The following SHISA9 variants were observed in gnomAD, a reference collection of about 807,000 sequenced individuals.
SHISA9 encodes shisa family member 9.
Under a neutral mutation model 38.0 loss-of-function variants are expected in SHISA9, and 13 were observed. That is an observed-to-expected ratio of 0.34 (90% CI 0.22 to 0.54). The LOEUF is 0.54. Ranked by LOEUF, SHISA9 falls within the 20% of genes least tolerant of loss-of-function variation. The pLI is 0.91. For synonymous variants in SHISA9, 275 were observed against 242.0 expected, an observed-to-expected ratio of 1.14 and a Z score of -1.27; for missense variants, 538 against 575.8, an observed-to-expected ratio of 0.93 and a Z score of 0.67.
At chr16:13,249,644 C>T in the SHISA9 span, among the ~76,000 whole-genome samples, 3 of 152,084 alleles carry the variant, frequency 2.0e-5, no homozygotes, top group Non-Finnish European at 4.4e-5. Context: ...TTCTCTGTTT[C>T]CTTCTCTGTG....
At chr16:12,951,140 G>A (rs1326805543) in intron 2 of SHISA9, among the ~76,000 whole-genome samples, 4 of 124,706 alleles carry the variant, frequency 3.2e-5, no homozygotes, top group East Asian at 5.5e-4. Context: ...AGAATTGCTT[G>A]AACCCAGGAG....
rs573093328 is a variant in SHISA9, at chr16:13,187,594, C to G, written c.692-15800C>G. On this transcript the variant is annotated intron_variant, in intron 2 of 4. Coordinates refer to ENST00000558583, the MANE Select transcript of SHISA9 (RefSeq NM_001145204.3). ...TAGTGATCCACCCACCCCTGCCTCCCAAAGTGCTGGGATTACGGGTGTGAG... is the reference window on the plus strand; with the variant it reads ...TAGTGATCCACCCACCCCTGCCTCCGAAAGTGCTGGGATTACGGGTGTGAG... 3.9e-5 allele frequency among the ~76,000 whole-genome samples: 6 copies of G among 152,216 alleles called. No homozygotes were observed. The South Asian group carries it at 1.2e-3, about 32-fold the overall frequency.
intron 1 of SHISA9, among the ~76,000 whole-genome samples, chr16:12,913,598 A>G (rs1313825328): frequency 6.6e-6 from 1 of 152,226 alleles, no homozygotes; most frequent in Non-Finnish European, 1.5e-5. Context: ...CTCCAAGTCC[A>G]GTATCTAATT....
chr16:13,254,425 C>T, the SHISA9 span, among the ~76,000 whole-genome samples: 22 of 152,274 alleles, frequency 1.4e-4, no homozygotes, highest in African/African-American at 3.6e-4. Flanking sequence ...GGGTTTGTTA[C>T]GAGTTATTAT....
chr16:13,418,555 T>G, the SHISA9 span, among the ~76,000 whole-genome samples: 1 of 152,286 alleles, frequency 6.6e-6, no homozygotes, highest in South Asian at 2.1e-4. Flanking sequence ...CCACATGGAC[T>G]TCCCCCCAGT....
At chr16:13,424,255 G>A in the SHISA9 span, among the ~76,000 whole-genome samples, 347 of 152,308 alleles carry the variant, frequency 2.3e-3, 1 homozygote, top group African/African-American at 7.9e-3. Flanking sequence ...ACAGTGCTCC[G>A]CATTGAGCTG....
intron 2 of SHISA9, among the ~76,000 whole-genome samples, chr16:13,173,274 G>A (rs2050703686): frequency 6.6e-6 from 1 of 150,800 alleles, no homozygotes; most frequent in South Asian, 2.1e-4. Context: ...ACACAGAAAT[G>A]CTGAAGGTAT....
chr16:13,523,299 G>A, the SHISA9 span, among the ~76,000 whole-genome samples: 3 of 152,214 alleles, frequency 2.0e-5, no homozygotes, highest in South Asian at 2.1e-4. Flanking sequence ...GCAGTGAGCC[G>A]AGATCCTGCC....
At chr16:12,989,390 C>T (rs1175243736) in intron 2 of SHISA9, among the ~76,000 whole-genome samples, 1 of 152,208 alleles carries the variant, frequency 6.6e-6, no homozygotes, top group Non-Finnish European at 1.5e-5. Flanking sequence ...GTTGGCCAGG[C>T]TGGTCTCGAA....
chr16:13,147,323 G>C (rs1016590963), intron 2 of SHISA9, among the ~76,000 whole-genome samples: 2 of 152,106 alleles, frequency 1.3e-5, no homozygotes, highest in African/African-American at 4.8e-5. Flanking sequence ...GTTAAGACAA[G>C]ATTCTACAAC....
the SHISA9 span, among the ~76,000 whole-genome samples, chr16:13,394,928 G>GGGGTGTGTGTGTGT: frequency 7.2e-6 from 1 of 139,402 alleles, no homozygotes; most frequent in East Asian, 2.1e-4. Context: ...CAGTATCTGG[G>GGGGTGTGTGTGTGT]GTGTGTGTGT....
At chr16:13,091,606 G>C (rs1445528320) in intron 2 of SHISA9, among the ~76,000 whole-genome samples, 1 of 152,102 alleles carries the variant, frequency 6.6e-6, no homozygotes, top group South Asian at 2.1e-4. Context: ...ACTGAAGCTT[G>C]TGCATGTGTC....
At chr16:13,320,292 CAAAAAAAAAAAAA>C in the SHISA9 span, among the ~76,000 whole-genome samples, 10 of 38,978 alleles carry the variant, frequency 2.6e-4, no homozygotes, top group South Asian at 0.011. Context: ...GACTCTGTCT[CAAAAAAAAAAAAA>C]AAAAAAAAAA....
chr16:13,445,436 G>A, the SHISA9 span, among the ~76,000 whole-genome samples: 49 of 152,220 alleles, frequency 3.2e-4, no homozygotes, highest in African/African-American at 1.0e-3. Context: ...ATAGTCTTTG[G>A]AACCTAGTGG....
At chr16:13,136,999 A>T (rs1046991171) in intron 2 of SHISA9, among the ~76,000 whole-genome samples, 1 of 152,182 alleles carries the variant, frequency 6.6e-6, no homozygotes, top group Non-Finnish European at 1.5e-5. Flanking sequence ...TTAATTATTG[A>T]TGTCTGTCTC....
At chr16:13,096,136 T>C (rs2073824323) in intron 2 of SHISA9, among the ~76,000 whole-genome samples, 1 of 152,230 alleles carries the variant, frequency 6.6e-6, no homozygotes, top group African/African-American at 2.4e-5. Flanking sequence ...TCTATGTCTA[T>C]GAAGCGCAGA....
intron 2 of SHISA9, among the ~76,000 whole-genome samples, chr16:13,141,200 C>T (rs902928848): frequency 1.3e-5 from 2 of 152,016 alleles, no homozygotes; most frequent in Admixed American, 6.6e-5. Flanking sequence ...TGCTTATTTC[C>T]TTCCAGTCTT....
intron 2 of SHISA9, among the ~76,000 whole-genome samples, chr16:13,054,776 C>G (rs926116129): frequency 2.0e-5 from 3 of 152,334 alleles, no homozygotes; most frequent in Non-Finnish European, 2.9e-5. Flanking sequence ...TCCAGCCCCT[C>G]TCATGAGTGA....
chr16:13,024,955 G>C (rs766309320), intron 2 of SHISA9, among the ~76,000 whole-genome samples: 12 of 152,072 alleles, frequency 7.9e-5, no homozygotes, highest in Non-Finnish European at 1.6e-4. Flanking sequence ...CTAGTGCAAG[G>C]GGCAGATATT....
Sources: allele counts gnomAD v4.1 joint callset (sites outside exome capture counted in the v4.1 genomes callset), GRCh38; gene constraint gnomAD v4.1.1; transcripts MANE v1.5; gene names NCBI Gene and HGNC (gene_info 2026-07-23, HGNC 2026-07-21).